RERE: variants seen among roughly 807,000 people sequenced by gnomAD.
RERE encodes the protein arginine-glutamic acid dipeptide repeats.
RERE carries 40 observed loss-of-function variants against 146.1 expected under a neutral mutation model. The observed-to-expected ratio is 0.27, with a 90% CI of 0.21 to 0.36. The LOEUF is 0.36. RERE is among the 10% of genes least tolerant of loss of function. The pLI, the probability that RERE is intolerant of heterozygous loss-of-function variation, is 1.00. For missense variants in RERE, 1,933 were observed against 2,138.7 expected (o/e 0.90, Z 1.90); for synonymous variants, 1,003 against 866.0 (o/e 1.16, Z -2.78).
intron 7 of RERE, among the ~76,000 whole-genome samples, chr1:8,538,794 C>G (rs564146134): frequency 6.6e-6 from 1 of 152,278 alleles, no homozygotes; most frequent in African/African-American, 2.4e-5. Flanking sequence ...CTAGAAAGGT[C>G]ACTAAGGGAA....
rs113579149 is a variant in RERE at position 8,688,308 on chromosome 1, G to A, written c.-144-31867C>T. ...AGGCCAGGCATGGTGGCTCATGCCTGTAATCCCAACACTTTGGGAGGCAAA... is the reference window on the plus strand; with the variant it reads ...AGGCCAGGCATGGTGGCTCATGCCTATAATCCCAACACTTTGGGAGGCAAA... On this transcript the variant is annotated intron_variant, in intron 1 of 22. Transcript: ENST00000400908. Among the ~76,000 whole-genome samples the A allele has an allele frequency of 1.7e-3, 263 of 152,288 alleles. 1 individual carries two copies. Among genetic ancestry groups the A allele is most frequent in the African/African-American group, 5.1e-3 (212 of 41,550 alleles).
chr1:8,802,363 C>T (rs1641605550), intron 1 of RERE, among the ~76,000 whole-genome samples: 1 of 152,244 alleles, frequency 6.6e-6, no homozygotes, highest in Non-Finnish European at 1.5e-5. Context: ...TGCTATAAAA[C>T]ATTTTAAAAG....
intron 1 of RERE, among the ~76,000 whole-genome samples, chr1:8,683,443 G>A (rs1029571506): frequency 6.6e-6 from 1 of 152,052 alleles, no homozygotes; most frequent in South Asian, 2.1e-4. Flanking sequence ...AAGACGGGGA[G>A]GGATGGGACA....
rs191284879 is a variant in RERE, at chr1:8,782,580, T to C, written c.-145+34580A>G. On this transcript the variant is annotated intron_variant, in intron 1 of 22. Transcript: ENST00000400908. ...TCTACTTGGCATCTCCACTTGAGTA[T>C]CTAATACTACTTTAACCTTGGTGTG... 1.3e-3 allele frequency among the ~76,000 whole-genome samples: 194 copies of C among 152,256 alleles called. 3 individuals are homozygous for C. The Middle Eastern group carries it at 0.02, about 16-fold the overall frequency.
chr1:8,706,762 C>A (rs1351825697), intron 1 of RERE, among the ~76,000 whole-genome samples: 2 of 152,088 alleles, frequency 1.3e-5, no homozygotes, highest in African/African-American at 4.8e-5. Flanking sequence ...AGAGCTCTTT[C>A]CACCTAGGAA....
At chr1:8,694,915 G>A (rs11800190) in intron 1 of RERE, among the ~76,000 whole-genome samples, 5,103 of 124,088 alleles carry the variant, frequency 0.041, 264 homozygotes, top group African/African-American at 0.14. Flanking sequence ...ATTAAACAAA[G>A]TAATTCTAAA....
At chr1:8,567,494 C>T (rs760665560) in intron 4 of RERE, among the ~76,000 whole-genome samples, 2 of 152,156 alleles carry the variant, frequency 1.3e-5, no homozygotes, top group Non-Finnish European at 2.9e-5. Flanking sequence ...CTTGATGATG[C>T]CTTGTTTGTT....
intron 1 of RERE, among the ~76,000 whole-genome samples, chr1:8,733,308 A>G (rs907990438): frequency 6.6e-6 from 1 of 152,194 alleles, no homozygotes; most frequent in African/African-American, 2.4e-5. Context: ...ACATCTTGAA[A>G]CCACTGGGCT....
intron 1 of RERE, among the ~76,000 whole-genome samples, chr1:8,721,068 T>C (rs1334257597): frequency 6.6e-6 from 1 of 151,830 alleles, no homozygotes; most frequent in Non-Finnish European, 1.5e-5. Flanking sequence ...AAAAAAGTTG[T>C]TTTAGTATTT....
rs770269544 is a variant in RERE at position 8,614,671 on chromosome 1, C to G, written c.412G>C (p.Ala138Pro). ...QDFKLVHNSQ[A>P]CCRSPTPALC... Reference sequence around the variant, plus strand: ...GCAGGAGTTGGAGATCTGCAACAGGCCTGGGAGTTGTGGACCTAAAAAAGA... The same window carrying G: ...GCAGGAGTTGGAGATCTGCAACAGGGCTGGGAGTTGTGGACCTAAAAAAGA... The change falls in exon 4 of 23, where the codon GCC becomes CCC. Residue 138 changes from alanine to proline, a missense_variant. This residue lies in a region of RERE where 74 missense variants were observed against 99.6 expected (regional missense o/e 0.74). Transcript: ENST00000400908. 22 of 1,609,498 alleles carry G rather than the reference C, an allele frequency of 1.4e-5. No homozygotes were observed. Among genetic ancestry groups the G allele is most frequent in the Non-Finnish European group, 1.8e-5 (21 of 1,178,028 alleles).
At chr1:8,711,153 T>A (rs1209341738) in intron 1 of RERE, among the ~76,000 whole-genome samples, 14 of 54,466 alleles carry the variant, frequency 2.6e-4, no homozygotes, top group Non-Finnish European at 8.8e-5. Context: ...TGTGACTCTG[T>A]CTCCAAAAAA....
At position 8,729,167 on chromosome 1, in the gene RERE, C is replaced by CTCAA. The variant is rs144148246; in HGVS notation, c.-144-72730_-144-72727dup. Among the ~76,000 whole-genome samples the CTCAA allele has an allele frequency of 0.027, 3,965 of 146,552 alleles. 373 individuals carry two copies. In the East Asian group the frequency reaches 0.31, roughly 12 times the overall value. On this transcript the variant is annotated intron_variant, in intron 1 of 22. Transcript: ENST00000400908. ...CTGGGCAACAAGAGTGAGACTCCAT[C>CTCAA]TCAATCAATCAATCAATCAATCAAG...
chr1:8,766,482 G>A (rs1640847669), intron 1 of RERE, among the ~76,000 whole-genome samples: 1 of 148,308 alleles, frequency 6.7e-6, no homozygotes. Flanking sequence ...GGAGGTTGCA[G>A]TCAGCCAAGA....
At position 8,364,146 on chromosome 1, in the gene RERE, G is replaced by A; in HGVS notation, c.1650C>T (p.Asp550=). The A allele has an allele frequency of 6.2e-7, 1 of 1,614,132 alleles. No individual in the cohort carries two copies. Among genetic ancestry groups the A allele is most frequent in the Non-Finnish European group, 8.5e-7 (1 of 1,180,008 alleles). The change falls in exon 15 of 23, where the codon GAC becomes GAT. Residue 550 remains aspartate, a synonymous_variant. Transcript: ENST00000400908. The surrounding 1 kb of genome is among the most constrained non-coding windows in gnomAD (Gnocchi z 5.1). The part of the protein sequence containing the change: ...GELPPIEKPV[D]PPPFMFKPVK... ...CGGGTTTGAACATAAACGGTGGCGG[G>A]TCCACGGGCTTCTCAATGGGCGGGA...
chr1:8,381,545 G>C (rs190691973), intron 12 of RERE, among the ~76,000 whole-genome samples: 1 of 152,270 alleles, frequency 6.6e-6, no homozygotes, highest in African/African-American at 2.4e-5. Context: ...ACACACATAG[G>C]TGGAAAATTA....
At chr1:8,663,665 T>C (rs1638505088) in intron 1 of RERE, among the ~76,000 whole-genome samples, 1 of 152,204 alleles carries the variant, frequency 6.6e-6, no homozygotes, top group African/African-American at 2.4e-5. Context: ...TCAATTCAGA[T>C]ATAATTCACG....
chr1:8,680,079 G>A (rs558832706), intron 1 of RERE, among the ~76,000 whole-genome samples: 81 of 152,284 alleles, frequency 5.3e-4, no homozygotes, highest in African/African-American at 1.8e-3. Context: ...AGGTGGTAGC[G>A]GGTAGGGGTG....
chr1:8,689,196 G>A (rs934466544), intron 1 of RERE, among the ~76,000 whole-genome samples: 4 of 152,026 alleles, frequency 2.6e-5, no homozygotes, highest in African/African-American at 7.2e-5. Context: ...ACTTTGTAGA[G>A]ACTCAGAATT....
At chr1:8,814,945 TGTATTAGCAGCTCGGGG>T (rs973518107) in intron 1 of RERE, among the ~76,000 whole-genome samples, 1 of 152,238 alleles carries the variant, frequency 6.6e-6, no homozygotes, top group African/African-American at 2.4e-5. Flanking sequence ...AAAGGACATC[TGTATTAGCAGCTCGGGG>T]AAGTGGCATT....
Sources: gnomAD v4.1 joint callset for allele counts (sites outside exome capture counted in the v4.1 genomes callset) on GRCh38, gnomAD v4.1.1 for gene constraint, gnomAD v4.1.1 regional missense constraint, Gnocchi (gnomAD v3.1) non-coding constraint, MANE v1.5 for transcripts, NCBI Gene and HGNC (gene_info 2026-07-23, HGNC 2026-07-21) for gene names.